Variants in HMG20A observed in about 807,000 individuals in gnomAD.
The protein encoded by HMG20A is high mobility group protein 20A.
Under a neutral mutation model 43.9 loss-of-function variants are expected in HMG20A, and 17 were observed. The ratio of observed to expected loss-of-function variants is 0.39; its 90% CI spans 0.27 to 0.58. HMG20A has a LOEUF of 0.58. Among genes scored for constraint, HMG20A ranks in the 20% least tolerant of loss-of-function variants. The probability of loss-of-function intolerance (pLI) is 0.59; values close to 1 mark genes in which losing one functional copy is unlikely to be tolerated. For missense variants in HMG20A, 341 were observed against 438.2 expected (o/e 0.78, Z 1.98); for synonymous variants, 132 against 147.5 (o/e 0.89, Z 0.76).
chr15:77,429,113 CAGG>C (rs1300772991), intron 1 of HMG20A, among the ~76,000 whole-genome samples: 1 of 152,150 alleles, frequency 6.6e-6, no homozygotes, highest in Non-Finnish European at 1.5e-5. Context: ...GAGGCTGAGA[CAGG>C]AGGATTGCTT....
downstream of HMG20A, among the ~76,000 whole-genome samples, chr15:77,486,038 A>G (rs2072943787): frequency 6.6e-6 from 1 of 152,266 alleles, no homozygotes; most frequent in South Asian, 2.1e-4. Flanking sequence ...AAACAGTAAC[A>G]CATTCATTTT....
intron 1 of HMG20A, among the ~76,000 whole-genome samples, chr15:77,421,652 A>C (rs1417108834): frequency 6.6e-6 from 1 of 152,220 alleles, no homozygotes; most frequent in Non-Finnish European, 1.5e-5. Flanking sequence ...TTTACATAAA[A>C]TCTGGGGCAT....
At chr15:77,486,872 G>T (rs115363375), downstream of HMG20A, among the ~76,000 whole-genome samples, 654 of 152,262 alleles carry the variant, frequency 4.3e-3, 1 homozygote, top group African/African-American at 0.013. Context: ...TAACTATCAG[G>T]GTATCTCAGT....
At chr15:77,439,300 T>C (rs1469116639) in intron 1 of HMG20A, among the ~76,000 whole-genome samples, 3 of 152,122 alleles carry the variant, frequency 2.0e-5, no homozygotes, top group Non-Finnish European at 4.4e-5. Flanking sequence ...AAAACTGTGG[T>C]ACATACAGTA....
chr15:77,465,304 AT>A (rs1320763857), intron 3 of HMG20A, among the ~76,000 whole-genome samples: 1 of 148,590 alleles, frequency 6.7e-6, no homozygotes, highest in East Asian at 2.0e-4. Flanking sequence ...AAAACAACTA[AT>A]TTTTTTTTAT....
the HMG20A span, among the ~76,000 whole-genome samples, chr15:77,497,919 CA>C: frequency 6.7e-6 from 1 of 149,868 alleles, no homozygotes; most frequent in South Asian, 2.1e-4. Context: ...CCCCTAAAAA[CA>C]ATGCCCTTCT....
In HMG20A at chr15:77,485,505, A is replaced by G. The variant is rs2072940129; in HGVS notation, c.*2542A>G. On this transcript the variant is annotated 3_prime_UTR_variant, in exon 10 of 10. Transcript: ENST00000336216. ...ACTGTTGAAATGCCAAGTTTTCTGTATAAGTGTTTTTGTAATTAAACTTTC... is the reference window on the plus strand; with the variant it reads ...ACTGTTGAAATGCCAAGTTTTCTGTGTAAGTGTTTTTGTAATTAAACTTTC... The G allele has an allele frequency of 6.5e-6, 1 of 152,680 alleles. No homozygotes were observed. The highest frequency in any genetic ancestry group is 2.4e-5 in the African/African-American group (1 of 41,478). 9.5% of individuals were successfully genotyped at this position (152,680 alleles called of 1,614,324 possible).
At chr15:77,467,989 C>A (rs1029836947) in intron 4 of HMG20A, among the ~76,000 whole-genome samples, 16 of 152,192 alleles carry the variant, frequency 1.1e-4, no homozygotes, top group African/African-American at 3.6e-4. Flanking sequence ...ATCTGTATTT[C>A]TTTTACGTCT....
chr15:77,501,463 G>C, the HMG20A span, among the ~76,000 whole-genome samples: 4 of 152,302 alleles, frequency 2.6e-5, no homozygotes, highest in Admixed American at 2.0e-4. Context: ...ACAGTCTCCT[G>C]CTTTCTTTTG....
intron 1 of HMG20A, among the ~76,000 whole-genome samples, chr15:77,439,007 A>C (rs981347353): frequency 6.6e-6 from 1 of 151,926 alleles, no homozygotes; most frequent in Non-Finnish European, 1.5e-5. Flanking sequence ...GTTAGCCAGG[A>C]TAGTCTCGAT....
At chr15:77,473,885 A>G (rs924898127) in intron 6 of HMG20A, among the ~76,000 whole-genome samples, 2 of 152,364 alleles carry the variant, frequency 1.3e-5, no homozygotes, top group African/African-American at 2.4e-5. Context: ...TGGCCACAGC[A>G]GGATAAAGCT....
Position 77,449,249 on chromosome 15 carries a change from C to G in HMG20A, c.-4-9155C>G, listed in dbSNP as rs574555725. Among the ~76,000 whole-genome samples the G allele has an allele frequency of 2.1e-4, 32 of 152,074 alleles. 2 individuals are homozygous for G. In the South Asian group the frequency reaches 6.7e-3, roughly 32 times the overall value. The stretch of plus-strand genomic sequence containing the variant: ...TGCCTCTCCCTACCTCAACCCTCCC[C>G]TAAAACCTAAGTACTTAATTACTCC... On this transcript the variant is annotated intron_variant, in intron 1 of 9. Transcript: ENST00000336216.
chr15:77,517,720 C>T, the HMG20A span, among the ~76,000 whole-genome samples: 1 of 151,832 alleles, frequency 6.6e-6, no homozygotes, highest in African/African-American at 2.4e-5. Flanking sequence ...CATTTGAGGC[C>T]CAGGCCTCAG....
At chr15:77,500,600 C>T in the HMG20A span, among the ~76,000 whole-genome samples, 733 of 145,900 alleles carry the variant, frequency 5.0e-3, 5 homozygotes, top group African/African-American at 0.017. Context: ...AGCTCTTGTG[C>T]TCTTGTCTCC....
the HMG20A span, among the ~76,000 whole-genome samples, chr15:77,490,898 G>T: frequency 6.6e-6 from 1 of 152,144 alleles, no homozygotes; most frequent in Non-Finnish European, 1.5e-5. Context: ...GTGGTTCCTT[G>T]AGATTCTAAG....
chr15:77,451,086 G>A (rs767103576), intron 1 of HMG20A, among the ~76,000 whole-genome samples: 2 of 152,112 alleles, frequency 1.3e-5, no homozygotes, highest in Non-Finnish European at 2.9e-5. Context: ...GTCTTTCCAT[G>A]GCTTCATAAC....
chr15:77,458,299 T>C (rs1344794315), intron 1 of HMG20A, 105 bp from the exon 2 acceptor site: 1 of 692,148 alleles, frequency 1.4e-6, no homozygotes, highest in Middle Eastern at 3.1e-4. Flanking sequence ...GTTTTTATTC[T>C]GTTGCTTATA....
At chr15:77,504,617 T>C in the HMG20A span, among the ~76,000 whole-genome samples, 2 of 152,186 alleles carry the variant, frequency 1.3e-5, no homozygotes, top group African/African-American at 4.8e-5. Flanking sequence ...TAGAGAGCTA[T>C]GCAAATACCA....
At chr15:77,421,134 A>C (rs942797700) in intron 1 of HMG20A, 130 bp downstream of exon 1, 5 of 341,264 alleles carry the variant, frequency 1.5e-5, no homozygotes, top group Non-Finnish European at 2.6e-5. Flanking sequence ...GGGGCGCCTC[A>C]ACTTCCGGTT....
Sources: gnomAD v4.1 joint callset for allele counts (sites outside exome capture counted in the v4.1 genomes callset) on GRCh38, gnomAD v4.1.1 for gene constraint, MANE v1.5 for transcripts, NCBI Gene and HGNC (gene_info 2026-07-23, HGNC 2026-07-21) for gene names.